ANKS1B: variants seen among roughly 807,000 people sequenced by gnomAD.
The protein encoded by ANKS1B is ankyrin repeat and sterile alpha motif domain-containing protein 1B.
Under a neutral mutation model 148.3 loss-of-function variants are expected in ANKS1B, and 36 were observed. That is an observed-to-expected ratio of 0.24 (90% CI 0.19 to 0.32). The LOEUF (loss-of-function observed/expected upper bound fraction) is 0.32, where lower values mean the gene tolerates loss of function less well. Ranked by LOEUF, ANKS1B falls within the 10% of genes least tolerant of loss-of-function variation. ANKS1B has a pLI of 1.00. For synonymous variants in ANKS1B, 542 were observed against 560.8 expected, an observed-to-expected ratio of 0.97 and a Z score of 0.47; for missense variants, 1,157 against 1,542.6, an observed-to-expected ratio of 0.75 and a Z score of 4.19.
At chr12:99,233,852 T>C (rs1601904290) in intron 14 of ANKS1B, among the ~76,000 whole-genome samples, 1 of 152,140 alleles carries the variant, frequency 6.6e-6, no homozygotes, top group South Asian at 2.1e-4. Context: ...GGTTCATATT[T>C]ATAGGAATAA....
At chr12:98,918,135 C>T (rs988197408) in intron 17 of ANKS1B, among the ~76,000 whole-genome samples, 4 of 152,228 alleles carry the variant, frequency 2.6e-5, no homozygotes, top group East Asian at 1.9e-4. Context: ...TTCCTGCATA[C>T]GCAGCTGTGT....
At chr12:99,104,968 C>T (rs894036917) in intron 15 of ANKS1B, 1 of 152,214 alleles carries the variant, frequency 6.6e-6, no homozygotes, top group Non-Finnish European at 1.5e-5. Flanking sequence ...TTGAGCACAG[C>T]ACCTGGCATA....
chr12:99,502,116 T>C (rs1426386310), intron 10 of ANKS1B, among the ~76,000 whole-genome samples: 1 of 152,130 alleles, frequency 6.6e-6, no homozygotes, highest in Non-Finnish European at 1.5e-5. Context: ...TACATAGCTG[T>C]GTCTTCAATT....
At chr12:99,479,717 C>T (rs1267863500) in intron 10 of ANKS1B, among the ~76,000 whole-genome samples, 6 of 151,588 alleles carry the variant, frequency 4.0e-5, no homozygotes, top group East Asian at 3.9e-4. Context: ...GGTTACCAGA[C>T]GTTGGAGAGG....
At chr12:99,638,510 G>T (rs2098267076) in intron 9 of ANKS1B, among the ~76,000 whole-genome samples, 1 of 152,118 alleles carries the variant, frequency 6.6e-6, no homozygotes, top group African/African-American at 2.4e-5. Context: ...GTAGAACTTT[G>T]AATGTGAGAG....
At chr12:98,813,837 G>A (rs967228474) in intron 19 of ANKS1B, among the ~76,000 whole-genome samples, 7 of 151,750 alleles carry the variant, frequency 4.6e-5, no homozygotes, top group East Asian at 1.9e-4. Context: ...TTACAGGCAT[G>A]AGCCACCGCA....
At chr12:99,467,706 A>G (rs1386500653) in intron 10 of ANKS1B, among the ~76,000 whole-genome samples, 3 of 152,314 alleles carry the variant, frequency 2.0e-5, no homozygotes, top group Non-Finnish European at 4.4e-5. Context: ...CAAAGAGAAT[A>G]AAATACCTAG....
At chr12:99,167,978 T>C (rs774980705) in intron 14 of ANKS1B, among the ~76,000 whole-genome samples, 116 of 152,330 alleles carry the variant, frequency 7.6e-4, no homozygotes, top group Non-Finnish European at 1.3e-3. Context: ...TCCATTTATA[T>C]AAAGTTCTAG....
chr12:99,163,828 T>G (rs1315294049), intron 14 of ANKS1B, among the ~76,000 whole-genome samples: 16 of 152,188 alleles, frequency 1.1e-4, no homozygotes, highest in Admixed American at 1.0e-3. Flanking sequence ...TGAGTAGTAT[T>G]CCATGATATG....
chr12:98,985,762 TA>T (rs1014191936), intron 17 of ANKS1B, among the ~76,000 whole-genome samples: 6 of 152,170 alleles, frequency 3.9e-5, no homozygotes, highest in African/African-American at 1.4e-4. Context: ...AATTATCTTT[TA>T]AAATCTTTAA....
intron 8 of ANKS1B, among the ~76,000 whole-genome samples, chr12:99,768,056 A>C (rs117095921): frequency 0.032 from 4,849 of 152,266 alleles, 108 homozygotes; most frequent in Non-Finnish European, 0.051. Flanking sequence ...CTAAGAATAT[A>C]GGTAAAATAC....
intron 8 of ANKS1B, among the ~76,000 whole-genome samples, chr12:99,674,677 G>A (rs12581909): frequency 3.3e-5 from 5 of 151,562 alleles, no homozygotes; most frequent in South Asian, 2.1e-4. Flanking sequence ...CAAAACATGC[G>A]AATTGAAGTC....
intron 20 of ANKS1B, among the ~76,000 whole-genome samples, chr12:98,806,287 G>A (rs1000688678): frequency 6.6e-6 from 1 of 152,118 alleles, no homozygotes; most frequent in Non-Finnish European, 1.5e-5. Context: ...CATTTTCCAA[G>A]CCTTGTATTA....
At chr12:99,912,062 C>T (rs1438915547) in intron 1 of ANKS1B, among the ~76,000 whole-genome samples, 2 of 152,152 alleles carry the variant, frequency 1.3e-5, no homozygotes, top group South Asian at 2.1e-4. Flanking sequence ...TTAGGCAGCA[C>T]CAGACTGCAA....
At chr12:99,246,931 C>T (rs2073937138) in intron 12 of ANKS1B, 67 bp from the exon 13 acceptor site, 1 of 1,200,742 alleles carries the variant, frequency 8.3e-7, no homozygotes, top group Non-Finnish European at 1.2e-6. Context: ...AATAGCAGTG[C>T]CCTTATGAAC....
intron 17 of ANKS1B, among the ~76,000 whole-genome samples, chr12:98,997,295 C>G (rs920394630): frequency 2.6e-5 from 4 of 152,054 alleles, no homozygotes; most frequent in African/African-American, 9.6e-5. Flanking sequence ...GAGATCCTTT[C>G]ACTTTGTATT....
At chr12:99,159,853 A>G (rs879861606) in intron 14 of ANKS1B, among the ~76,000 whole-genome samples, 7 of 152,210 alleles carry the variant, frequency 4.6e-5, no homozygotes, top group Non-Finnish European at 1.0e-4. Flanking sequence ...TCAACAGTGT[A>G]TAAGTGTCCC....
At chr12:99,771,205 T>C (rs557107956) in intron 8 of ANKS1B, among the ~76,000 whole-genome samples, 1 of 152,246 alleles carries the variant, frequency 6.6e-6, no homozygotes, top group South Asian at 2.1e-4. Context: ...ACTTATTCTC[T>C]ACCTTCCTCA....
At chr12:99,558,457 AG>A (rs1443291705) in intron 9 of ANKS1B, among the ~76,000 whole-genome samples, 1 of 152,046 alleles carries the variant, frequency 6.6e-6, no homozygotes, top group African/African-American at 2.4e-5. Context: ...GTGTGTGTCA[AG>A]GGGGGAGGGG....
Sources: gnomAD v4.1 joint callset for allele counts (sites outside exome capture counted in the v4.1 genomes callset) on GRCh38, gnomAD v4.1.1 for gene constraint, MANE v1.5 for transcripts, NCBI Gene and HGNC (gene_info 2026-07-23, HGNC 2026-07-21) for gene names.